The following SOAT1 variants were observed in gnomAD, a reference collection of about 807,000 sequenced individuals.
SOAT1 encodes the protein acyl-coenzyme A:cholesterol acyltransferase 1.
In SOAT1, 55 loss-of-function variants were observed where a neutral mutation model predicts 69.5. The ratio of observed to expected loss-of-function variants is 0.79; its 90% CI spans 0.64 to 0.99. SOAT1 has a LOEUF of 0.99. Ranked by LOEUF, SOAT1 falls within the 50% of genes least tolerant of loss-of-function variation. The pLI is 0.00. For synonymous variants in SOAT1, 231 were observed against 224.7 expected, an observed-to-expected ratio of 1.03 and a Z score of -0.25; for missense variants, 580 against 669.3, an observed-to-expected ratio of 0.87 and a Z score of 1.47.
Position 179,307,844 on chromosome 1 carries a change from T to C in SOAT1, c.118+5042T>C, listed in dbSNP as rs971796754. ...TTTGCTCTTGTTGCCCAGGCTGGAGTGCAATGGCACAATCTCGGCTCACCA... is the reference window on the plus strand; with the variant it reads ...TTTGCTCTTGTTGCCCAGGCTGGAGCGCAATGGCACAATCTCGGCTCACCA... On this transcript the variant is annotated intron_variant, in intron 2 of 15. Transcript: ENST00000367619. 2.7e-5 allele frequency among the ~76,000 whole-genome samples: 4 copies of C among 150,468 alleles called. No homozygotes were observed. The Admixed American group carries it at 2.7e-4, about 10-fold the overall frequency.
intron 3 of SOAT1, among the ~76,000 whole-genome samples, chr1:179,330,678 T>C (rs1379915712): frequency 6.6e-6 from 1 of 152,244 alleles, no homozygotes; most frequent in East Asian, 1.9e-4. Flanking sequence ...GCTAGAAGCA[T>C]GATGGAGTCA....
intron 7 of SOAT1, 114 bp from the exon 8 acceptor site, chr1:179,342,000 C>T (rs565755494): frequency 2.2e-6 from 3 of 1,388,302 alleles, no homozygotes; most frequent in South Asian, 1.7e-5. Context: ...TTTGTTTATA[C>T]ACTTATCAGG....
chr1:179,303,092 G>T (rs1664891910), intron 2 of SOAT1, among the ~76,000 whole-genome samples: 1 of 152,118 alleles, frequency 6.6e-6, no homozygotes, highest in Non-Finnish European at 1.5e-5. Context: ...GATCAGTACG[G>T]ATTTGTTTGC....
rs1666736213 is a variant in SOAT1, at chr1:179,351,604, AGTTT to A, written c.1596+143_1596+146del. 4.1e-6 allele frequency: 3 copies of A among 729,844 alleles called. No homozygotes were observed. In the Admixed American group the frequency reaches 8.5e-5, roughly 21 times the overall value. The allele number at this position is 729,844 out of a possible 1,614,324, so 45.2% of individuals were successfully genotyped here. ...GAGGGAAATGAGGAGTAAAAGCATT[AGTTT>A]ATCATCTGATCTTATTGTACTTGAA... is the stretch of plus-strand genomic sequence containing the variant. On this transcript the variant is annotated intron_variant, in intron 15 of 15. Transcript: ENST00000367619.
At chr1:179,323,587 T>G (rs1665681201) in intron 3 of SOAT1, 92 bp downstream of exon 3, 2 of 1,019,436 alleles carry the variant, frequency 2.0e-6, no homozygotes, top group Non-Finnish European at 3.0e-6. Flanking sequence ...CTCAGATAAT[T>G]ATTTAAGCCA....
At chr1:179,344,352 GGTTTTTTTTTTTTTTTTTTTT>G (rs1172097669) in intron 10 of SOAT1, among the ~76,000 whole-genome samples, 40 of 120,562 alleles carry the variant, frequency 3.3e-4, no homozygotes, top group African/African-American at 6.3e-4. Context: ...TTCATTAAGG[GGTTTTTTTTTTTTTTTTTTTT>G]TTTTTTTTTT....
chr1:179,344,718 G>A (rs981246383), intron 10 of SOAT1, among the ~76,000 whole-genome samples: 8 of 152,090 alleles, frequency 5.3e-5, no homozygotes, highest in Non-Finnish European at 8.8e-5. Context: ...CCAAGAGTAA[G>A]CTCTTCTAAA....
intron 2 of SOAT1, among the ~76,000 whole-genome samples, chr1:179,303,891 C>T (rs1664916914): frequency 6.6e-6 from 1 of 152,176 alleles, no homozygotes; most frequent in Non-Finnish European, 1.5e-5. Flanking sequence ...TTGTTTGTTC[C>T]TTCCAGTTCT....
Position 179,335,542 on chromosome 1 carries a change from C to T in SOAT1, c.214C>T (p.His72Tyr). The T allele has an allele frequency of 6.2e-7, 1 of 1,611,752 alleles. No homozygotes were observed. Among genetic ancestry groups the T allele is most frequent in the Non-Finnish European group, 8.5e-7 (1 of 1,178,756 alleles). Reference protein sequence around the residue: ...KPFFMKEVGSHFDDFVTNLIE... With the variant: ...KPFFMKEVGSYFDDFVTNLIE... ...ATTTTTTATGAAGGAAGTTGGCAGT[C>T]ACTTTGATGATTTTGTGACCAATCT... The change falls in exon 4 of 16, where the codon CAC becomes TAC. Residue 72 changes from histidine (H) to tyrosine (Y), a missense_variant. Transcript: ENST00000367619.
At chr1:179,328,806 G>A (rs1361768751) in intron 3 of SOAT1, among the ~76,000 whole-genome samples, 2 of 152,050 alleles carry the variant, frequency 1.3e-5, no homozygotes, top group Non-Finnish European at 2.9e-5. Context: ...CACTTTGGGA[G>A]GCCAAGGTAG....
At chr1:179,342,973 A>G in intron 9 of SOAT1, 30 bp downstream of exon 9, 2 of 1,555,836 alleles carry the variant, frequency 1.3e-6, no homozygotes, top group African/African-American at 2.7e-5. Context: ...GAAATGTGGT[A>G]AACACCAAAA....
chr1:179,303,678 G>A lies in SOAT1; in HGVS notation c.118+876G>A, dbSNP rs1180130573. 1.3e-5 allele frequency among the ~76,000 whole-genome samples: 2 copies of A among 152,136 alleles called. 1 individual carries two copies. The highest frequency in any genetic ancestry group is 4.8e-5 in the African/African-American group (2 of 41,424). ...ATTGCTGCTTGAGTTGGCATAATGAGGTTTATTGATAGGCTCTTAGTTAGC... is the reference window on the plus strand; with the variant it reads ...ATTGCTGCTTGAGTTGGCATAATGAAGTTTATTGATAGGCTCTTAGTTAGC... On this transcript the variant is annotated intron_variant, in intron 2 of 15. Transcript: ENST00000367619.
intron 4 of SOAT1, among the ~76,000 whole-genome samples, chr1:179,336,802 C>T (rs1377694999): frequency 6.6e-6 from 1 of 152,154 alleles, no homozygotes; most frequent in Non-Finnish European, 1.5e-5. Context: ...CAAGACCAGC[C>T]TGGCCAAGAT....
chr1:179,343,568 T>C (rs757116917), intron 9 of SOAT1, 22 bp from the exon 10 acceptor site: 1 of 1,593,644 alleles, frequency 6.3e-7, no homozygotes, highest in Admixed American at 1.7e-5. Flanking sequence ...AGAAACCTTA[T>C]TTTTGTTTCT....
Position 179,350,313 on chromosome 1 carries a change from C to T in SOAT1, c.1332C>T (p.Phe444=). 6.2e-7 allele frequency: 1 copy of T among 1,611,612 alleles called. No homozygotes were observed. The highest frequency in any genetic ancestry group is 8.5e-7 in the Non-Finnish European group (1 of 1,179,416). The change falls in exon 14 of 16, where the codon TTC becomes TTT. Residue 444 remains phenylalanine (F), a synonymous_variant. Coordinates refer to ENST00000367619, the MANE Select transcript of SOAT1 (RefSeq NM_003101.6). ...TTCTTTAGTTTTTCTCCAAGAGATT[C>T]AAATCTGCTGCCATGTTAGCTGTCT... ...KDFLWFFSKR[F]KSAAMLAVFA...
chr1:179,349,677 C>T (rs763475270), intron 13 of SOAT1, among the ~76,000 whole-genome samples: 2 of 152,092 alleles, frequency 1.3e-5, no homozygotes, highest in South Asian at 4.2e-4. Context: ...TGTATCTCTC[C>T]AATCAGTGAC....
At chr1:179,306,333 A>G (rs949048993) in intron 2 of SOAT1, among the ~76,000 whole-genome samples, 1 of 152,214 alleles carries the variant, frequency 6.6e-6, no homozygotes, top group Non-Finnish European at 1.5e-5. Flanking sequence ...AATTTGACAC[A>G]TGCACATTGA....
intron 2 of SOAT1, among the ~76,000 whole-genome samples, chr1:179,315,134 T>C (rs1321346066): frequency 6.6e-6 from 1 of 152,150 alleles, no homozygotes; most frequent in African/African-American, 2.4e-5. Flanking sequence ...GTTGAGTGCT[T>C]GTAAATAGTT....
chr1:179,306,124 G>A (rs10913713), intron 2 of SOAT1, among the ~76,000 whole-genome samples: 75,344 of 151,882 alleles, frequency 0.5, 19,658 homozygotes, highest in East Asian at 0.84. Flanking sequence ...TTTAGAGAGG[G>A]TGACGGGTAG....
Sources: allele counts gnomAD v4.1 joint callset (sites outside exome capture counted in the v4.1 genomes callset), GRCh38; gene constraint gnomAD v4.1.1; transcripts MANE v1.5; gene names NCBI Gene and HGNC (gene_info 2026-07-23, HGNC 2026-07-21).